Variants in ACTR3C observed in about 807,000 individuals in gnomAD.
The protein encoded by ACTR3C is actin-related protein 3C.
Under a neutral mutation model 26.3 loss-of-function variants are expected in ACTR3C, and 18 were observed. The observed-to-expected ratio is 0.68, with a 90% CI of 0.47 to 1.01. The LOEUF (loss-of-function observed/expected upper bound fraction) is 1.01. ACTR3C is among the 50% of genes least tolerant of loss of function. The pLI is 0.00. For missense variants in ACTR3C, 184 were observed against 250.7 expected (o/e 0.73, Z 1.80); for synonymous variants, 55 against 94.5 (o/e 0.58, Z 2.42).
chr7:149,885,341 G>A, the ACTR3C span, among the ~76,000 whole-genome samples: 2 of 152,194 alleles, frequency 1.3e-5, no homozygotes, highest in African/African-American at 2.4e-5. Context: ...CTGACCAGGA[G>A]ACCACACCCC....
the ACTR3C span, among the ~76,000 whole-genome samples, chr7:149,913,402 G>A: frequency 6.6e-6 from 1 of 152,190 alleles, no homozygotes; most frequent in Non-Finnish European, 1.5e-5. Flanking sequence ...GATAGGGGAG[G>A]CGGGTGGACA....
At chr7:150,066,243 A>G in the ACTR3C span, among the ~76,000 whole-genome samples, 1 of 152,254 alleles carries the variant, frequency 6.6e-6, no homozygotes, top group African/African-American at 2.4e-5. Context: ...TCATGACACT[A>G]TGTGAGGTGT....
the ACTR3C span, among the ~76,000 whole-genome samples, chr7:150,087,175 A>C: frequency 1.4e-5 from 2 of 141,916 alleles, no homozygotes; most frequent in South Asian, 4.5e-4. Context: ...AAAGACCTGA[A>C]TTTGTTTAAA....
chr7:150,180,073 A>T, the ACTR3C span, among the ~76,000 whole-genome samples: 1 of 151,138 alleles, frequency 6.6e-6, no homozygotes, highest in Non-Finnish European at 1.5e-5. Context: ...TGGGAGGCCG[A>T]GGGGGGTGGA....
At chr7:150,033,496 T>G in the ACTR3C span, among the ~76,000 whole-genome samples, 1 of 152,174 alleles carries the variant, frequency 6.6e-6, no homozygotes, top group Admixed American at 6.5e-5. Context: ...ACACCTAATA[T>G]CCACAGTACT....
At chr7:150,042,743 A>G in the ACTR3C span, among the ~76,000 whole-genome samples, 10 of 151,702 alleles carry the variant, frequency 6.6e-5, no homozygotes, top group South Asian at 2.1e-3. Context: ...GCCCTCTAAT[A>G]GGGGGGCCAT....
the ACTR3C span, among the ~76,000 whole-genome samples, chr7:150,138,869 T>C: frequency 6.6e-6 from 1 of 152,298 alleles, no homozygotes; most frequent in Non-Finnish European, 1.5e-5. Flanking sequence ...CTCATAGGAG[T>C]GCAAACCCTA....
chr7:150,013,045 CTATT>C, the ACTR3C span, among the ~76,000 whole-genome samples: 1 of 139,732 alleles, frequency 7.2e-6, no homozygotes, highest in African/African-American at 2.6e-5. Flanking sequence ...CCTTGTAAGT[CTATT>C]TGTTCTTTTC....
the ACTR3C span, among the ~76,000 whole-genome samples, chr7:150,149,938 G>C: frequency 1.3e-5 from 2 of 152,138 alleles, no homozygotes; most frequent in Non-Finnish European, 2.9e-5. Context: ...TTTGAAAGTA[G>C]CCCGATTTTC....
At chr7:150,303,439 C>G (rs1482442454) in intron 1 of ACTR3C, among the ~76,000 whole-genome samples, 1 of 152,186 alleles carries the variant, frequency 6.6e-6, no homozygotes, top group Admixed American at 6.5e-5. Flanking sequence ...AAAAATAAAG[C>G]CTTAACTTTT....
chr7:150,131,585 G>A, the ACTR3C span, among the ~76,000 whole-genome samples: 4 of 152,228 alleles, frequency 2.6e-5, no homozygotes, highest in African/African-American at 9.6e-5. Flanking sequence ...ACACCACTTG[G>A]GAGCTATACT....
At chr7:149,938,123 A>G in the ACTR3C span, among the ~76,000 whole-genome samples, 3 of 152,198 alleles carry the variant, frequency 2.0e-5, no homozygotes, top group African/African-American at 7.2e-5. Flanking sequence ...AGGGGGCTCC[A>G]GAGAAAAGTC....
the ACTR3C span, among the ~76,000 whole-genome samples, chr7:149,986,978 C>A: frequency 2.1e-5 from 3 of 142,256 alleles, no homozygotes; most frequent in South Asian, 7.5e-4. Flanking sequence ...TCTGAGGCTA[C>A]TGCCTTGAAG....
At chr7:150,124,027 C>A in the ACTR3C span, among the ~76,000 whole-genome samples, 5 of 152,270 alleles carry the variant, frequency 3.3e-5, no homozygotes, top group South Asian at 1.0e-3. Flanking sequence ...GAAATAAAGT[C>A]CAGCAATCAA....
chr7:150,187,925 C>A, the ACTR3C span, among the ~76,000 whole-genome samples: 1 of 152,076 alleles, frequency 6.6e-6, no homozygotes, highest in South Asian at 2.1e-4. Flanking sequence ...TCTCCTTGAA[C>A]TTTTGCTCGC....
At chr7:149,988,962 T>G in the ACTR3C span, among the ~76,000 whole-genome samples, 12 of 152,224 alleles carry the variant, frequency 7.9e-5, no homozygotes, top group Non-Finnish European at 2.9e-5. Flanking sequence ...CAGGTGGCCC[T>G]GACAGCCCAG....
At chr7:150,171,329 T>C in the ACTR3C span, among the ~76,000 whole-genome samples, 7 of 150,010 alleles carry the variant, frequency 4.7e-5, no homozygotes, top group Non-Finnish European at 1.0e-4. Flanking sequence ...CTGGAATATA[T>C]CCAAATATTT....
chr7:150,282,947 G>A (rs1161090884), intron 6 of ACTR3C, among the ~76,000 whole-genome samples: 2 of 148,576 alleles, frequency 1.3e-5, no homozygotes, highest in Non-Finnish European at 2.9e-5. Flanking sequence ...TGCGGGAAAC[G>A]GGCTTAAAAG....
chr7:150,068,711 A>G, the ACTR3C span, among the ~76,000 whole-genome samples: 4 of 141,192 alleles, frequency 2.8e-5, no homozygotes, highest in African/African-American at 1.1e-4. Context: ...TGAACCCAGG[A>G]GGCAGAACTT....
Sources: gnomAD v4.1 joint callset for allele counts (sites outside exome capture counted in the v4.1 genomes callset) on GRCh38, gnomAD v4.1.1 for gene constraint, MANE v1.5 for transcripts, NCBI Gene and HGNC (gene_info 2026-07-23, HGNC 2026-07-21) for gene names.